GLIS3: variants seen among roughly 807,000 people sequenced by gnomAD.
GLIS3 encodes zinc finger protein GLIS3.
A neutral mutation model predicts 78.6 loss-of-function variants in GLIS3; 53 were observed. The observed-to-expected ratio is 0.67, with a 90% CI of 0.54 to 0.85. The LOEUF is 0.85. Among genes scored for constraint, GLIS3 ranks in the 40% least tolerant of loss-of-function variants. GLIS3 has a pLI of 0.00. For missense variants in GLIS3, 1,703 were observed against 1,231.1 expected, an observed-to-expected ratio of 1.38 and a Z score of -5.74; for synonymous variants, 684 against 509.9, an observed-to-expected ratio of 1.34 and a Z score of -4.60.
At chr9:3,855,267 C>T (rs1246127123) in intron 9 of GLIS3, among the ~76,000 whole-genome samples, 1 of 152,210 alleles carries the variant, frequency 6.6e-6, no homozygotes, top group Non-Finnish European at 1.5e-5. Context: ...ACAAGATCTG[C>T]ACATTTAGAC....
intron 4 of GLIS3, among the ~76,000 whole-genome samples, chr9:4,069,223 A>G (rs1827378516): frequency 6.6e-6 from 1 of 152,152 alleles, no homozygotes; most frequent in African/African-American, 2.4e-5. Flanking sequence ...GGGGGAATTA[A>G]TTGGCTACTT....
chr9:4,421,633 T>C, the GLIS3 span, among the ~76,000 whole-genome samples: 2 of 152,166 alleles, frequency 1.3e-5, no homozygotes, highest in Non-Finnish European at 2.9e-5. Flanking sequence ...GGGAAGAGGG[T>C]GCTCTCATTT....
intron 2 of GLIS3, among the ~76,000 whole-genome samples, chr9:4,143,150 A>G (rs904318169): frequency 2.0e-5 from 3 of 152,204 alleles, no homozygotes; most frequent in African/African-American, 4.8e-5. Context: ...ATGATTTGAC[A>G]TACGTACACA....
At chr9:4,143,735 C>T (rs10123811) in intron 2 of GLIS3, among the ~76,000 whole-genome samples, 59,110 of 151,920 alleles carry the variant, frequency 0.39, 11,784 homozygotes, top group South Asian at 0.44. Flanking sequence ...ATTTTCCCCA[C>T]CTCCCAACCC....
chr9:4,000,261 T>A (rs376981262), intron 4 of GLIS3, among the ~76,000 whole-genome samples: 1 of 152,200 alleles, frequency 6.6e-6, no homozygotes, highest in Admixed American at 6.5e-5. Context: ...TCCTATTATA[T>A]ACACTTCAAA....
rs116639076 is a variant in GLIS3, at chr9:3,917,903, C to A, written c.1983+14457G>T. Among the ~76,000 whole-genome samples, 796 of 152,270 alleles carry A rather than the reference C, an allele frequency of 5.2e-3. 13 individuals are homozygous for A. Among genetic ancestry groups the A allele is most frequent in the African/African-American group, 0.018 (766 of 41,556 alleles). ...CAATGAAAAAATAACTAATAGGGAT[C>A]TTCTGGAGATAATCCTATAACTGAA... On this transcript the variant is annotated intron_variant, in intron 6 of 10. Transcript: ENST00000381971.
rs116548475 is a variant in GLIS3, at chr9:4,345,789, C to A, written n.264+1292G>T. ...CCACAAGAAGATAAAGCAAAAAGAG[C>A]TGAAAGTGATTGCGTCTGGGGAGTG... On this transcript the variant is annotated intron_variant and non_coding_transcript_variant, in intron 2 of 4. Coordinates refer to the GLIS3 transcript ENST00000471664. 6.9e-3 allele frequency among the ~76,000 whole-genome samples: 1,049 copies of A among 152,214 alleles called. 20 individuals are homozygous for A. The highest frequency in any genetic ancestry group is 0.023 in the African/African-American group (975 of 41,518).
At chr9:4,154,144 G>C (rs904468068) in intron 2 of GLIS3, among the ~76,000 whole-genome samples, 1 of 152,218 alleles carries the variant, frequency 6.6e-6, no homozygotes, top group Non-Finnish European at 1.5e-5. Flanking sequence ...GGGGCTTTCA[G>C]GCCATTTAGA....
chr9:4,160,958 T>C (rs962180405), intron 2 of GLIS3, among the ~76,000 whole-genome samples: 1 of 151,676 alleles, frequency 6.6e-6, no homozygotes, highest in Non-Finnish European at 1.5e-5. Context: ...TAAAAAGTAA[T>C]GTTGGCTGGG....
At chr9:4,238,330 ATTG>A (rs1302642148) in intron 2 of GLIS3, among the ~76,000 whole-genome samples, 4 of 152,142 alleles carry the variant, frequency 2.6e-5, no homozygotes, top group African/African-American at 4.8e-5. Flanking sequence ...AGGAGAGGGA[ATTG>A]TTGTTTTGGT....
chr9:4,125,166 C>T (rs974156998), intron 3 of GLIS3, among the ~76,000 whole-genome samples: 2 of 152,164 alleles, frequency 1.3e-5, no homozygotes, highest in Admixed American at 6.5e-5. Context: ...TATGCCTTTC[C>T]AGACACATCA....
At chr9:4,438,266 G>T in the GLIS3 span, among the ~76,000 whole-genome samples, 626 of 152,242 alleles carry the variant, frequency 4.1e-3, 2 homozygotes, top group African/African-American at 0.014. Context: ...CCACCCCAAT[G>T]AATCTTAATG....
At chr9:4,270,326 T>C (rs1826389186) in intron 2 of GLIS3, among the ~76,000 whole-genome samples, 1 of 152,232 alleles carries the variant, frequency 6.6e-6, no homozygotes, top group South Asian at 2.1e-4. Flanking sequence ...TATCTATTGC[T>C]ACATCAAAAT....
chr9:4,444,836 T>C, the GLIS3 span, among the ~76,000 whole-genome samples: 2 of 152,208 alleles, frequency 1.3e-5, no homozygotes, highest in Admixed American at 1.3e-4. Context: ...AAAGATTTCA[T>C]GCTTGGATAA....
At chr9:3,856,611 T>C (rs990372560) in intron 8 of GLIS3, among the ~76,000 whole-genome samples, 1 of 152,216 alleles carries the variant, frequency 6.6e-6, no homozygotes, top group Non-Finnish European at 1.5e-5. Context: ...TTTTGTTTGT[T>C]TTGTAAGATA....
intron 2 of GLIS3, among the ~76,000 whole-genome samples, chr9:4,320,505 A>C (rs1394146431): frequency 1.3e-5 from 2 of 152,104 alleles, no homozygotes; most frequent in Admixed American, 1.3e-4. Flanking sequence ...ACATCTATCA[A>C]ATCTATTTCT....
chr9:3,999,113 T>C (rs761692963), intron 4 of GLIS3, among the ~76,000 whole-genome samples: 4 of 152,168 alleles, frequency 2.6e-5, no homozygotes, highest in Non-Finnish European at 4.4e-5. Context: ...TATAGAAATA[T>C]TCCTCATAAT....
At chr9:4,090,675 T>C (rs1829422276) in intron 4 of GLIS3, among the ~76,000 whole-genome samples, 1 of 152,196 alleles carries the variant, frequency 6.6e-6, no homozygotes, top group Non-Finnish European at 1.5e-5. Flanking sequence ...CACCACTTGG[T>C]GGCCACGGCA....
At chr9:4,347,563 T>G (rs1817911791) in intron 1 of GLIS3, among the ~76,000 whole-genome samples, 1 of 152,222 alleles carries the variant, frequency 6.6e-6, no homozygotes, top group Admixed American at 6.5e-5. Flanking sequence ...CATTTTCTGA[T>G]GAGCTTTAAG....
Sources: allele counts gnomAD v4.1 joint callset (sites outside exome capture counted in the v4.1 genomes callset), GRCh38; gene constraint gnomAD v4.1.1; transcripts MANE v1.5; gene names NCBI Gene and HGNC (gene_info 2026-07-23, HGNC 2026-07-21).